Variants in ENTREP2 observed in about 807,000 individuals in gnomAD.
ENTREP2 encodes endosomal transmembrane epsin interactor 2.
chr15:29,579,833 C>G, the ENTREP2 span, among the ~76,000 whole-genome samples: 1 of 151,380 alleles, frequency 6.6e-6, no homozygotes, highest in African/African-American at 2.4e-5. Flanking sequence ...GCCTCAGCCT[C>G]CCGAGTAGCT....
At chr15:29,420,973 A>G in the ENTREP2 span, among the ~76,000 whole-genome samples, 271 of 152,322 alleles carry the variant, frequency 1.8e-3, no homozygotes, top group Admixed American at 3.7e-3. Flanking sequence ...CAAGGCAGCA[A>G]AGTCAGAATG....
chr15:29,583,341 G>A, the ENTREP2 span, among the ~76,000 whole-genome samples: 5 of 152,164 alleles, frequency 3.3e-5, no homozygotes, highest in Middle Eastern at 3.2e-3. Flanking sequence ...TCTTTGCAGC[G>A]ACATGGATGA....
At chr15:29,579,210 A>T in the ENTREP2 span, among the ~76,000 whole-genome samples, 79 of 152,308 alleles carry the variant, frequency 5.2e-4, no homozygotes, top group African/African-American at 1.8e-3. Flanking sequence ...CTTTTATTTT[A>T]TTAAGAAGCA....
At chr15:29,480,518 C>T in the ENTREP2 span, among the ~76,000 whole-genome samples, 67 of 151,766 alleles carry the variant, frequency 4.4e-4, no homozygotes, top group East Asian at 0.011. Flanking sequence ...CACTGGAGCA[C>T]GGTCACAGAA....
At chr15:29,637,554 G>A in the ENTREP2 span, among the ~76,000 whole-genome samples, 1 of 152,208 alleles carries the variant, frequency 6.6e-6, no homozygotes, top group Non-Finnish European at 1.5e-5. Flanking sequence ...ATCAGAGTGA[G>A]TGAGAGAGTG....
chr15:29,141,955 T>C, the ENTREP2 span, among the ~76,000 whole-genome samples: 150 of 152,310 alleles, frequency 9.8e-4, no homozygotes, highest in Non-Finnish European at 1.4e-3. Context: ...TCATTATGAC[T>C]GTAATTGCAT....
the ENTREP2 span, among the ~76,000 whole-genome samples, chr15:29,538,492 T>C: frequency 6.6e-6 from 1 of 151,780 alleles, no homozygotes; most frequent in Non-Finnish European, 1.5e-5. Context: ...TATAGATCAG[T>C]GTGGGGTTTA....
chr15:29,242,847 G>A, the ENTREP2 span, among the ~76,000 whole-genome samples: 3 of 152,242 alleles, frequency 2.0e-5, no homozygotes, highest in South Asian at 2.1e-4. Flanking sequence ...ATGTCCCACC[G>A]ACTCTGGAAT....
At chr15:29,536,944 G>A in the ENTREP2 span, among the ~76,000 whole-genome samples, 1 of 152,170 alleles carries the variant, frequency 6.6e-6, no homozygotes, top group African/African-American at 2.4e-5. Flanking sequence ...GAGTCTCAGA[G>A]GGAGCACAGC....
chr15:29,123,772 C>T, the ENTREP2 span: 3 of 1,044,238 alleles, frequency 2.9e-6, no homozygotes, highest in East Asian at 2.6e-5. Context: ...GTTCCTGGGG[C>T]TGGCGCTCTG....
At chr15:29,343,027 T>A in the ENTREP2 span, among the ~76,000 whole-genome samples, 1 of 130,990 alleles carries the variant, frequency 7.6e-6, no homozygotes, top group African/African-American at 2.7e-5. Flanking sequence ...TAAAAAGGAA[T>A]GGGGGGGGTG....
chr15:29,224,080 T>C, the ENTREP2 span, among the ~76,000 whole-genome samples: 1 of 152,320 alleles, frequency 6.6e-6, no homozygotes, highest in East Asian at 1.9e-4. Context: ...AAAGACACCG[T>C]GTCCAGACTT....
the ENTREP2 span, among the ~76,000 whole-genome samples, chr15:29,638,521 C>T: frequency 1.3e-5 from 2 of 152,194 alleles, no homozygotes; most frequent in African/African-American, 2.4e-5. Context: ...TCACATTGTG[C>T]TCACTAAAAA....
At chr15:29,148,426 ATC>A in the ENTREP2 span, among the ~76,000 whole-genome samples, 1 of 152,214 alleles carries the variant, frequency 6.6e-6, no homozygotes, top group Admixed American at 6.5e-5. Flanking sequence ...GGATACTAAA[ATC>A]GGTGGAGGGT....
chr15:29,301,670 A>C, the ENTREP2 span, among the ~76,000 whole-genome samples: 4 of 152,218 alleles, frequency 2.6e-5, no homozygotes, highest in African/African-American at 9.7e-5. Flanking sequence ...CTGGTTCTGT[A>C]ATCTGAACGT....
At chr15:29,588,949 C>T in the ENTREP2 span, among the ~76,000 whole-genome samples, 3 of 150,354 alleles carry the variant, frequency 2.0e-5, no homozygotes, top group African/African-American at 4.9e-5. Context: ...ATGATTGTGC[C>T]GCTGCACTCC....
the ENTREP2 span, among the ~76,000 whole-genome samples, chr15:29,449,066 A>G: frequency 2.6e-5 from 4 of 152,202 alleles, no homozygotes; most frequent in Non-Finnish European, 5.9e-5. Context: ...GAGTTAAGAG[A>G]GAATGTTGCG....
the ENTREP2 span, chr15:29,136,295 C>T: frequency 3.5e-6 from 5 of 1,416,718 alleles, no homozygotes; most frequent in African/African-American, 1.5e-5. Context: ...AGGTGCCTTC[C>T]GAGGGCAGGC....
the ENTREP2 span, among the ~76,000 whole-genome samples, chr15:29,573,046 A>G: frequency 6.6e-6 from 1 of 152,180 alleles, no homozygotes. Context: ...CGGAGGTGTC[A>G]GTGATGAATT....
Sources: allele counts gnomAD v4.1 joint callset (sites outside exome capture counted in the v4.1 genomes callset), GRCh38; gene constraint gnomAD v4.1.1; transcripts MANE v1.5; gene names NCBI Gene and HGNC (gene_info 2026-07-23, HGNC 2026-07-21).